EIF3H: variants seen among roughly 807,000 people sequenced by gnomAD.
EIF3H encodes eukaryotic translation initiation factor 3 subunit H, also known as eIF-3-gamma.
In EIF3H, 26 loss-of-function variants were observed where a neutral mutation model predicts 44.2. The observed-to-expected ratio is 0.59, with a 90% confidence interval of 0.43 to 0.82. EIF3H has a LOEUF of 0.82. Ranked by LOEUF, EIF3H falls within the 40% of genes least tolerant of loss-of-function variation. EIF3H has a pLI of 0.00. For synonymous variants in EIF3H, 166 were observed against 151.9 expected (o/e 1.09, Z -0.68); for missense variants, 359 against 432.8 (o/e 0.83, Z 1.51).
chr8:116,739,109 C>T (rs1002737008), intron 1 of EIF3H, among the ~76,000 whole-genome samples: 47 of 152,274 alleles, frequency 3.1e-4, no homozygotes, highest in Middle Eastern at 6.8e-3. Flanking sequence ...GCAAGGAACA[C>T]CTGGACCACC....
At chr8:116,645,755 C>G (rs981954671) in intron 7 of EIF3H, among the ~76,000 whole-genome samples, 1 of 152,146 alleles carries the variant, frequency 6.6e-6, no homozygotes, top group African/African-American at 2.4e-5. Context: ...TGTATGTACA[C>G]TAGAAAATGT....
At chr8:116,669,172 A>G (rs976538306) in intron 2 of EIF3H, among the ~76,000 whole-genome samples, 5 of 152,238 alleles carry the variant, frequency 3.3e-5, no homozygotes, top group Non-Finnish European at 7.3e-5. Context: ...TACTTCTAAG[A>G]TACTAAAAAC....
intron 1 of EIF3H, among the ~76,000 whole-genome samples, chr8:116,733,163 A>T (rs1381796016): frequency 6.6e-6 from 1 of 152,242 alleles, no homozygotes; most frequent in Non-Finnish European, 1.5e-5. Flanking sequence ...TATAAAGGAC[A>T]TGACAAAGGA....
chr8:116,730,325 G>A (rs1814930471), intron 1 of EIF3H, among the ~76,000 whole-genome samples: 1 of 152,176 alleles, frequency 6.6e-6, no homozygotes, highest in Admixed American at 6.5e-5. Context: ...TCTCATAGGA[G>A]CACAAACCTT....
intron 2 of EIF3H, among the ~76,000 whole-genome samples, chr8:116,674,672 G>A (rs1813816764): frequency 6.6e-6 from 1 of 152,154 alleles, no homozygotes; most frequent in African/African-American, 2.4e-5. Context: ...GTGCTTTTGT[G>A]TATTGTATGT....
rs563161169 is a variant in EIF3H at position 116,752,710 on chromosome 8, A to AG, written c.132+2955_132+2956insC. On this transcript the variant is annotated intron_variant, in intron 1 of 7. Coordinates refer to ENST00000521861, the MANE Select transcript of EIF3H (RefSeq NM_003756.3). ...AAAGAAAGAAAGAAAGAAAGAAAGA[A>AG]AGAAAGAAAGAAAGAAAGAAAGAAG... 1.1e-4 allele frequency among the ~76,000 whole-genome samples: 15 copies of AG among 137,398 alleles called. 1 individual carries two copies. Among genetic ancestry groups the AG allele is most frequent in the South Asian group, 2.5e-4 (1 of 4,012 alleles). 90.1% of individuals were successfully genotyped at this position (137,398 alleles called of 152,430 possible).
At chr8:116,655,745 T>C in intron 5 of EIF3H, 111 bp downstream of exon 5, 3 of 1,193,484 alleles carry the variant, frequency 2.5e-6, no homozygotes, top group South Asian at 2.6e-5. Flanking sequence ...TTTAAGAACC[T>C]ATAAACGTTC....
At chr8:116,690,074 G>GT (rs1026524246) in intron 2 of EIF3H, among the ~76,000 whole-genome samples, 14 of 152,092 alleles carry the variant, frequency 9.2e-5, no homozygotes, top group Non-Finnish European at 1.9e-4. Context: ...AGTCATATCT[G>GT]TTTTTTCAGA....
At chr8:116,707,439 C>A (rs1161880228) in intron 2 of EIF3H, among the ~76,000 whole-genome samples, 5 of 152,156 alleles carry the variant, frequency 3.3e-5, no homozygotes, top group African/African-American at 1.2e-4. Flanking sequence ...ATACTATCAT[C>A]ACAGAACAGG....
intron 5 of EIF3H, among the ~76,000 whole-genome samples, chr8:116,652,231 A>T (rs1169852818): frequency 1.3e-5 from 2 of 152,214 alleles, no homozygotes; most frequent in Non-Finnish European, 2.9e-5. Context: ...GAAGAGTCTA[A>T]AATACTCAGT....
intron 2 of EIF3H, among the ~76,000 whole-genome samples, chr8:116,684,147 T>C (rs147592767): frequency 3.4e-4 from 52 of 152,362 alleles, no homozygotes; most frequent in African/African-American, 1.2e-3. Context: ...TAGCCTTTCA[T>C]TGGACTATTA....
chr8:116,765,412 T>C (rs1198032819), intron 1 of EIF3H: 1 of 152,256 alleles, frequency 6.6e-6, no homozygotes, highest in Non-Finnish European at 1.5e-5. Context: ...AATCATTTTC[T>C]GTGCTGGTTC....
chr8:116,705,214 TATAG>T (rs531361554), intron 2 of EIF3H, among the ~76,000 whole-genome samples: 55 of 152,326 alleles, frequency 3.6e-4, no homozygotes, highest in Admixed American at 1.5e-3. Flanking sequence ...TGTAAAAAGT[TATAG>T]ATAAAGGCAC....
chr8:116,730,699 A>G (rs1396461900), intron 1 of EIF3H, among the ~76,000 whole-genome samples: 1 of 152,180 alleles, frequency 6.6e-6, no homozygotes, highest in Non-Finnish European at 1.5e-5. Flanking sequence ...CCCCTCGTGA[A>G]TGTTCCCATA....
At chr8:116,696,293 C>T (rs762621112) in intron 2 of EIF3H, among the ~76,000 whole-genome samples, 1 of 152,188 alleles carries the variant, frequency 6.6e-6, no homozygotes, top group Non-Finnish European at 1.5e-5. Flanking sequence ...AATGGGATTC[C>T]ACTGATCAAA....
upstream of EIF3H, chr8:116,755,952 C>G: frequency 6.5e-7 from 1 of 1,536,654 alleles, no homozygotes; most frequent in Non-Finnish European, 8.7e-7. Flanking sequence ...CCAGTTTTAC[C>G]TTCTTTCCAG....
rs1813269382 is a variant in EIF3H at position 116,644,548 on chromosome 8, C to T, written c.*458G>A. The T allele has an allele frequency of 1.3e-5, 2 of 155,144 alleles. No individual in the cohort carries two copies. The highest frequency in any genetic ancestry group is 2.9e-5 in the Non-Finnish European group (2 of 69,990). 9.6% of individuals were successfully genotyped at this position (155,144 alleles called of 1,614,324 possible). A position where few individuals can be genotyped will look rare whatever the true frequency, so the allele number is the denominator to read the frequency against. ...GAATTCCTGGGCAAGTACATGAAGC[C>T]TGGACTTCTCTCGGGGTGCTCATTT... On this transcript the variant is annotated 3_prime_UTR_variant, in exon 8 of 8. Coordinates refer to ENST00000521861, the MANE Select transcript of EIF3H (RefSeq NM_003756.3).
At chr8:116,686,352 G>A (rs1814077698) in intron 2 of EIF3H, among the ~76,000 whole-genome samples, 1 of 151,956 alleles carries the variant, frequency 6.6e-6, no homozygotes, top group Non-Finnish European at 1.5e-5. Context: ...TTGTGTGTCT[G>A]TGGATATCCT....
intron 2 of EIF3H, among the ~76,000 whole-genome samples, chr8:116,690,645 C>A (rs894947691): frequency 2.6e-5 from 4 of 152,222 alleles, no homozygotes; most frequent in African/African-American, 9.7e-5. Context: ...ATGTACTAAT[C>A]CTTGTAGACT....
Sources: allele counts gnomAD v4.1 joint callset (sites outside exome capture counted in the v4.1 genomes callset), GRCh38; gene constraint gnomAD v4.1.1; transcripts MANE v1.5; gene names NCBI Gene and HGNC (gene_info 2026-07-23, HGNC 2026-07-21).